Variants in COQ8A observed in about 807,000 individuals in gnomAD.
The protein encoded by COQ8A is atypical kinase COQ8A, mitochondrial.
A neutral mutation model predicts 65.0 loss-of-function variants in COQ8A; 51 were observed. The ratio of observed to expected loss-of-function variants is 0.78; its 90% confidence interval spans 0.63 to 0.99. The LOEUF is 0.99. Among genes scored for constraint, COQ8A ranks in the 50% least tolerant of loss-of-function variants. The probability of loss-of-function intolerance (pLI) is 0.00; values close to 1 mark genes in which losing one functional copy is unlikely to be tolerated. For missense variants in COQ8A, 940 were observed against 875.0 expected (o/e 1.07, Z -0.94); for synonymous variants, 371 against 353.2 (o/e 1.05, Z -0.57).
rs902684654 is a variant in COQ8A, at chr1:226,961,790, T to G, written c.177+228T>G. Among the ~76,000 whole-genome samples the G allele has an allele frequency of 9.8e-5, 15 of 152,324 alleles. No individual in the cohort carries two copies. The East Asian group carries it at 2.9e-3, about 29-fold the overall frequency. On this transcript the variant is annotated intron_variant, in intron 2 of 14. Coordinates refer to ENST00000366777, the MANE Select transcript of COQ8A (RefSeq NM_020247.5). Reference sequence around the variant, plus strand: ...GACTGGTGGCTTAAACAATGCACGCTTATTTCTCAAAGTTCTAAAGACTGG... The same window carrying G: ...GACTGGTGGCTTAAACAATGCACGCGTATTTCTCAAAGTTCTAAAGACTGG...
At chr1:226,957,270 A>C (rs1473313541) in intron 1 of COQ8A, among the ~76,000 whole-genome samples, 30 of 47,510 alleles carry the variant, frequency 6.3e-4, no homozygotes, top group Non-Finnish European at 8.0e-4. Flanking sequence ...TCCCAGATTC[A>C]CACTCTCCCT....
Position 226,946,632 on chromosome 1 carries a change from G to C in COQ8A, c.-10+6233G>C, listed in dbSNP as rs1357057533. ...TGCGTGTGTGGTTGTTGTCTGTCTA[G>C]GATTGCCCCTTGTCTGGGTTAACTG... On this transcript the variant is annotated intron_variant, in intron 1 of 14. Coordinates refer to ENST00000366777, the MANE Select transcript of COQ8A (RefSeq NM_020247.5). The surrounding 1 kb of genome is among the most constrained non-coding windows in gnomAD (Gnocchi z 5.3). 6.6e-6 allele frequency among the ~76,000 whole-genome samples: 1 copy of C among 152,174 alleles called. No homozygotes were observed. The highest frequency in any genetic ancestry group is 1.9e-4 in the East Asian group (1 of 5,194).
Position 226,977,516 on chromosome 1 carries a change from C to T in COQ8A, c.723C>T (p.Asp241=), listed in dbSNP as rs1346661449. The T allele has an allele frequency of 6.4e-7, 1 of 1,560,432 alleles. No individual in the cohort carries two copies. The highest frequency in any genetic ancestry group is 8.7e-7 in the Non-Finnish European group (1 of 1,152,158). Residue 241 remains aspartate (D), a synonymous_variant, in exon 5 of 15, where the codon GAC becomes GAT. Coordinates refer to ENST00000366777, the MANE Select transcript of COQ8A (RefSeq NM_020247.5). The stretch of plus-strand genomic sequence containing the variant: ...CCAAGAAGAGCCTGCGCTCCGAGGA[C>T]CCCTCAGGTGAGCCGGGCCCTTCAG... The part of the protein sequence containing the change: ...EVAKKSLRSE[D]PSGKKAVLGS...
rs201787750 is a variant in COQ8A, at chr1:226,965,347, C to G, written c.525C>G (p.Ala175=). Residue 175 remains alanine, a synonymous_variant, in exon 3 of 15, where the codon GCC becomes GCG. Coordinates refer to ENST00000366777, the MANE Select transcript of COQ8A (RefSeq NM_020247.5). ...AATCCCCTGTTGGGGGCCTCACAGC[C>G]GAGGACATTGAGAAGGCCCGGCAGG... ...QDQSPVGGLT[A]EDIEKARQAK... The G allele has an allele frequency of 1.2e-6, 2 of 1,613,260 alleles. No individual in the cohort carries two copies. Among genetic ancestry groups the G allele is most frequent in the Non-Finnish European group, 1.7e-6 (2 of 1,179,892 alleles).
rs559789716 is a variant in COQ8A at position 226,978,168 on chromosome 1, C to T, written c.730+645C>T. Among the ~76,000 whole-genome samples, 13 of 149,270 alleles carry T rather than the reference C, an allele frequency of 8.7e-5. 1 individual carries two copies. The South Asian group carries it at 2.6e-3, about 30-fold the overall frequency. ...ATCTTACCCTCCACACACCCACGCA[C>T]CTTTTTACATCCTCCACACACCCAC... On this transcript the variant is annotated intron_variant, in intron 5 of 14. Transcript: ENST00000366777.
chr1:226,951,154 T>C (rs1657351452), intron 1 of COQ8A, among the ~76,000 whole-genome samples: 1 of 152,194 alleles, frequency 6.6e-6, no homozygotes, highest in Non-Finnish European at 1.5e-5. Flanking sequence ...TCTGCCTCTG[T>C]GTCTCCCCTG....
chr1:226,944,534 G>A (rs1035685762), intron 1 of COQ8A, among the ~76,000 whole-genome samples: 4 of 151,812 alleles, frequency 2.6e-5, no homozygotes, highest in African/African-American at 9.7e-5. Context: ...GAGAGATGTG[G>A]CCAAGAATGT....
rs6690459 is a variant in COQ8A, at chr1:226,983,711, T to A, written c.1163-50T>A. The A allele has an allele frequency of 3.8e-3, 6,040 of 1,610,602 alleles. 196 individuals are homozygous for A. In the African/African-American group the frequency reaches 0.071, roughly 19 times the overall value. ...GTTGGGTTCTGGGGACCAGAGGGGG[T>A]CCTCCCTGCAGAGCCCCCTTCCTCG... On this transcript the variant is annotated intron_variant, in intron 9 of 14. Coordinates refer to ENST00000366777, the MANE Select transcript of COQ8A (RefSeq NM_020247.5).
At chr1:226,985,476 A>C in intron 14 of COQ8A, 136 bp downstream of exon 14, 1 of 963,062 alleles carries the variant, frequency 1.0e-6, no homozygotes, top group African/African-American at 1.6e-5. Flanking sequence ...CACGGTCTGA[A>C]AGCTGGGGCC....
intron 1 of COQ8A, among the ~76,000 whole-genome samples, chr1:226,955,235 C>T (rs899703628): frequency 1.3e-5 from 2 of 151,916 alleles, no homozygotes; most frequent in Admixed American, 6.5e-5. Flanking sequence ...GACGTACTTC[C>T]TATAGGAGGT....
chr1:226,983,380 T>C (rs545028306), intron 8 of COQ8A, 172 bp from the exon 9 acceptor site: 1 of 710,588 alleles, frequency 1.4e-6, no homozygotes. Flanking sequence ...ACAACGAGGC[T>C]GTGATGGGGT....
At chr1:226,981,907 GT>G in intron 5 of COQ8A, 119 bp from the exon 6 acceptor site, 1 of 1,488,166 alleles carries the variant, frequency 6.7e-7, no homozygotes. Flanking sequence ...TATGTTGCTG[GT>G]TTTATGGACG....
In COQ8A at chr1:226,986,783, C is replaced by CA; in HGVS notation, c.*47dup. 6.3e-7 allele frequency: 1 copy of CA among 1,593,976 alleles called. No individual in the cohort carries two copies. Among genetic ancestry groups the CA allele is most frequent in the Non-Finnish European group, 8.5e-7 (1 of 1,174,110 alleles). On this transcript the variant is annotated 3_prime_UTR_variant, in exon 15 of 15. Coordinates refer to ENST00000366777, the MANE Select transcript of COQ8A (RefSeq NM_020247.5). ...CCGGCTCCGCGGGAACTCTCTCCCTCAGACAGGCCAAAAACCAGTAGCGAG... is the reference window on the plus strand; with the variant it reads ...CCGGCTCCGCGGGAACTCTCTCCCTCAAGACAGGCCAAAAACCAGTAGCGAG...
chr1:226,977,293 C>G, intron 4 of COQ8A, 156 bp from the exon 5 acceptor site: 1 of 651,712 alleles, frequency 1.5e-6, no homozygotes, highest in Non-Finnish European at 2.6e-6. Flanking sequence ...GGTGGCATCT[C>G]CCACCTTGTT....
At position 226,946,048 on chromosome 1, in the gene COQ8A, C is replaced by T. The variant is rs1238396149; in HGVS notation, c.-10+5649C>T. Among the ~76,000 whole-genome samples, 1 of 152,186 alleles carries T rather than the reference C, an allele frequency of 6.6e-6. No homozygotes were observed. On this transcript the variant is annotated intron_variant, in intron 1 of 14. Coordinates refer to ENST00000366777, the MANE Select transcript of COQ8A (RefSeq NM_020247.5). The surrounding 1 kb of genome is among the most constrained non-coding windows in gnomAD (Gnocchi z 5.3). ...CTCGATGAGGGAGCTCAGGAAGCCA[C>T]GGAGCCTGGGTGCCTGGGTCCTGCC...
chr1:226,951,692 A>G (rs115053381), intron 1 of COQ8A, among the ~76,000 whole-genome samples: 2,124 of 152,262 alleles, frequency 0.014, 55 homozygotes, highest in African/African-American at 0.047. Context: ...GCCCTAGAAT[A>G]TGAGTCGACA....
chr1:226,965,574 G>T, intron 3 of COQ8A, 97 bp from the exon 4 acceptor site: 2 of 1,523,598 alleles, frequency 1.3e-6, no homozygotes, highest in Non-Finnish European at 9.1e-7. Flanking sequence ...GCTGCTGACT[G>T]TGGGGTGGAG....
At chr1:226,953,833 G>C (rs1476427115) in intron 1 of COQ8A, among the ~76,000 whole-genome samples, 1 of 152,234 alleles carries the variant, frequency 6.6e-6, no homozygotes, top group Non-Finnish European at 1.5e-5. Context: ...TGATCATAAA[G>C]ACTGAGGTGA....
intron 7 of COQ8A, 58 bp from the exon 8 acceptor site, chr1:226,982,836 T>C (rs989094850): frequency 7.4e-6 from 12 of 1,612,682 alleles, no homozygotes; most frequent in Non-Finnish European, 8.5e-6. Flanking sequence ...GACTTGGGGC[T>C]TCTCCCGGTG....
Sources: allele counts gnomAD v4.1 joint callset (sites outside exome capture counted in the v4.1 genomes callset), GRCh38; gene constraint gnomAD v4.1.1; non-coding constraint Gnocchi (gnomAD v3.1); transcripts MANE v1.5; gene names NCBI Gene and HGNC (gene_info 2026-07-23, HGNC 2026-07-21).